Variants in RMDN2 observed in about 807,000 individuals in gnomAD.
RMDN2 encodes regulator of microtubule dynamics 2, also known as regulator of microtubule dynamics protein 2.
RMDN2 carries 61 observed loss-of-function variants against 52.8 expected under a neutral mutation model. The ratio of observed to expected loss-of-function variants is 1.16; its 90% CI spans 0.94 to 1.43. The LOEUF (loss-of-function observed/expected upper bound fraction) is 1.43. Among genes scored for constraint, RMDN2 ranks in the 40% most tolerant of loss-of-function variants. The pLI is 0.00. For missense variants in RMDN2, 592 were observed against 475.3 expected (o/e 1.25, Z -2.28); for synonymous variants, 180 against 153.1 (o/e 1.18, Z -1.30).
downstream of RMDN2, among the ~76,000 whole-genome samples, chr2:38,018,000 G>A (rs1188807900): frequency 6.6e-6 from 1 of 152,190 alleles, no homozygotes; most frequent in East Asian, 1.9e-4. Context: ...CCCGGAGAAG[G>A]AATTTCACGA....
intron 10 of RMDN2, among the ~76,000 whole-genome samples, chr2:38,025,343 C>A (rs1368463632): frequency 6.6e-6 from 1 of 152,014 alleles, no homozygotes; most frequent in Non-Finnish European, 1.5e-5. Flanking sequence ...CATCCTGCAG[C>A]CTCTTTAAAC....
intron 2 of RMDN2, among the ~76,000 whole-genome samples, chr2:37,966,227 G>GCT (rs1351603842): frequency 4.6e-5 from 7 of 152,036 alleles, no homozygotes; most frequent in Non-Finnish European, 1.0e-4. Context: ...GACCATCCTG[G>GCT]CTAACACGGT....
chr2:37,924,218 A>C (rs1666116259), upstream of RMDN2, among the ~76,000 whole-genome samples: 1 of 152,182 alleles, frequency 6.6e-6, no homozygotes, highest in African/African-American at 2.4e-5. Flanking sequence ...TCATGGCTTT[A>C]TGGGTGTTGT....
At chr2:37,978,210 C>G (rs1367570837) in intron 4 of RMDN2, among the ~76,000 whole-genome samples, 3 of 151,530 alleles carry the variant, frequency 2.0e-5, no homozygotes, top group Admixed American at 6.6e-5. Context: ...ATCGCAGGTA[C>G]TTGGCAGGCT....
chr2:38,037,698 T>G (rs1190491623), intron 10 of RMDN2, among the ~76,000 whole-genome samples: 1 of 152,220 alleles, frequency 6.6e-6, no homozygotes, highest in Non-Finnish European at 1.5e-5. Flanking sequence ...GAAAGTGTGT[T>G]CGGCTTCCCG....
intron 3 of RMDN2, 192 bp from the exon 4 acceptor site, chr2:37,975,020 T>C: frequency 1.7e-6 from 1 of 574,392 alleles, no homozygotes; most frequent in Non-Finnish European, 3.1e-6. Flanking sequence ...TAACACTACA[T>C]TAGGTCATAT....
Position 37,984,545 on chromosome 2 carries a change from CCA to C in RMDN2, c.791+3203_791+3204del, listed in dbSNP as rs143179490. Among the ~76,000 whole-genome samples the C allele has an allele frequency of 8.8e-3, 1,332 of 152,186 alleles. 24 individuals carry two copies. The highest frequency in any genetic ancestry group is 0.03 in the African/African-American group (1,246 of 41,520). On this transcript the variant is annotated intron_variant, in intron 5 of 10. Coordinates refer to ENST00000354545, the MANE Select transcript of RMDN2 (RefSeq NM_001170791.3). ...CAAGTGGAAAAACAGAAACTAGAAC[CCA>C]GTTTTGTATTCTTATATGCCTAGTC...
At chr2:37,952,361 T>C in intron 2 of RMDN2, 2 of 633,584 alleles carry the variant, frequency 3.2e-6, no homozygotes, top group East Asian at 2.7e-5. Context: ...GTAAATTTAA[T>C]TGCTGTAGTT....
chr2:37,932,291 C>T (rs1439498252), intron 2 of RMDN2, among the ~76,000 whole-genome samples: 4 of 151,506 alleles, frequency 2.6e-5, no homozygotes, highest in Admixed American at 2.0e-4. Context: ...CTTCAAGCAT[C>T]TGTTTAACAA....
chr2:38,045,934 G>A (rs1681247471), intron 10 of RMDN2, among the ~76,000 whole-genome samples: 1 of 152,160 alleles, frequency 6.6e-6, no homozygotes. Flanking sequence ...ATTGCAACTA[G>A]CCCGAGGTTG....
rs1471754142 is a variant in RMDN2 at position 37,929,361 on chromosome 2, C to G, written c.84C>G (p.His28Gln). ...AGISLLLLWY[H>Q]KVRKPGIAMK... ...TCAGCTTGCTGCTCTTGTGGTACCA[C>G]AAGGTCCGTAAACCAGGGATAGCAA... The change falls in exon 2 of 11, where the codon CAC becomes CAG. Residue 28 changes from histidine to glutamine, a missense_variant. Coordinates refer to ENST00000354545, the MANE Select transcript of RMDN2 (RefSeq NM_001170791.3). 7 of 1,551,886 alleles carry G rather than the reference C, an allele frequency of 4.5e-6. No homozygotes were observed. The highest frequency in any genetic ancestry group is 1.7e-4 in the Middle Eastern group (1 of 5,994).
At chr2:37,932,830 T>C (rs1572684208) in intron 2 of RMDN2, among the ~76,000 whole-genome samples, 1 of 93,858 alleles carries the variant, frequency 1.1e-5, no homozygotes, top group African/African-American at 4.2e-5. Flanking sequence ...CCCCCCGACC[T>C]CCCTCCCGGA....
chr2:37,987,653 T>G (rs1442681872), intron 5 of RMDN2, among the ~76,000 whole-genome samples: 1 of 152,206 alleles, frequency 6.6e-6, no homozygotes, highest in African/African-American at 2.4e-5. Flanking sequence ...CATAGAATAT[T>G]AAACACCAAG....
chr2:37,930,202 A>G (rs1454484408), intron 2 of RMDN2, among the ~76,000 whole-genome samples: 1 of 152,194 alleles, frequency 6.6e-6, no homozygotes, highest in Admixed American at 6.5e-5. Context: ...CTTTTATGTC[A>G]TTGAAGTTGT....
intron 2 of RMDN2, among the ~76,000 whole-genome samples, chr2:37,955,073 C>T (rs932344892): frequency 6.6e-6 from 1 of 151,914 alleles, no homozygotes. Flanking sequence ...GAATTTTATT[C>T]TTATTTTGTG....
chr2:37,953,122 G>C (rs1669047526), intron 2 of RMDN2: 1 of 151,830 alleles, frequency 6.6e-6, no homozygotes, highest in South Asian at 2.1e-4. Flanking sequence ...TTTTACTTTT[G>C]TGGTTTTTTC....
chr2:38,000,774 G>A (rs965994351), intron 8 of RMDN2, among the ~76,000 whole-genome samples: 2 of 152,202 alleles, frequency 1.3e-5, no homozygotes, highest in Non-Finnish European at 2.9e-5. Context: ...TTTCTGGTTT[G>A]ATGCTATTTT....
intron 10 of RMDN2, among the ~76,000 whole-genome samples, chr2:38,045,218 T>A (rs984121533): frequency 6.6e-6 from 1 of 152,184 alleles, no homozygotes; most frequent in Admixed American, 6.5e-5. Flanking sequence ...AAGTTCTGGT[T>A]TTCTTCTCTG....
chr2:37,968,325 C>G (rs917587042), intron 2 of RMDN2, among the ~76,000 whole-genome samples: 5 of 118,970 alleles, frequency 4.2e-5, no homozygotes, highest in African/African-American at 1.9e-4. Flanking sequence ...CACCTGTAAT[C>G]CCAGCTTGGG....
Sources: allele counts gnomAD v4.1 joint callset (sites outside exome capture counted in the v4.1 genomes callset), GRCh38; gene constraint gnomAD v4.1.1; transcripts MANE v1.5; gene names NCBI Gene and HGNC (gene_info 2026-07-23, HGNC 2026-07-21).